The following INTS13 variants were observed in gnomAD, a reference collection of about 807,000 sequenced individuals.
The protein encoded by INTS13 is asunder, spermatogenesis regulator homolog (Drosphila).
Under a neutral mutation model 90.2 loss-of-function variants are expected in INTS13, and 35 were observed. That is an observed-to-expected ratio of 0.39 (90% CI 0.30 to 0.51). The LOEUF is 0.51. Ranked by LOEUF, INTS13 falls within the 20% of genes least tolerant of loss-of-function variation. The pLI is 0.80. For missense variants in INTS13, 601 were observed against 851.2 expected (o/e 0.71, Z 3.66); for synonymous variants, 309 against 277.1 (o/e 1.11, Z -1.14).
intron 8 of INTS13, among the ~76,000 whole-genome samples, chr12:26,919,666 C>T (rs1952050822): frequency 1.3e-5 from 2 of 152,078 alleles, no homozygotes; most frequent in Admixed American, 1.3e-4. Context: ...GTCTCAAAAA[C>T]GATTCTGAGG....
intron 3 of INTS13, among the ~76,000 whole-genome samples, chr12:26,931,681 T>A (rs1221829666): frequency 1.3e-5 from 2 of 152,208 alleles, no homozygotes; most frequent in Admixed American, 1.3e-4. Context: ...AAGCTACTAG[T>A]AACTCAGTAT....
At chr12:26,923,986 T>C (rs940706924) in intron 7 of INTS13, among the ~76,000 whole-genome samples, 3 of 152,156 alleles carry the variant, frequency 2.0e-5, no homozygotes, top group Non-Finnish European at 2.9e-5. Flanking sequence ...GTGTTCTTAT[T>C]AGAAAACAAA....
intron 7 of INTS13, among the ~76,000 whole-genome samples, chr12:26,923,497 T>C (rs1937698444): frequency 6.6e-6 from 1 of 152,130 alleles, no homozygotes; most frequent in South Asian, 2.1e-4. Context: ...TAAGAAAAAT[T>C]TGAATTTTGA....
chr12:26,920,957 C>G (rs1220713055), intron 8 of INTS13, among the ~76,000 whole-genome samples: 1 of 152,314 alleles, frequency 6.6e-6, no homozygotes, highest in Non-Finnish European at 1.5e-5. Context: ...TCAACCGTTT[C>G]TCTGGCAGCA....
chr12:26,917,885 A>T (rs1407221393), intron 8 of INTS13, 152 bp from the exon 9 acceptor site: 2 of 588,732 alleles, frequency 3.4e-6, no homozygotes, highest in Non-Finnish European at 5.9e-6. Flanking sequence ...GCACTTTGGG[A>T]GGCTGAGGCA....
At chr12:26,912,088 T>C (rs765779369) in intron 14 of INTS13, among the ~76,000 whole-genome samples, 5 of 152,216 alleles carry the variant, frequency 3.3e-5, no homozygotes, top group Non-Finnish European at 7.3e-5. Context: ...AGGTAGATGA[T>C]GAGTAACTAT....
At chr12:26,918,051 G>A (rs559233641) in intron 8 of INTS13, among the ~76,000 whole-genome samples, 16 of 152,090 alleles carry the variant, frequency 1.1e-4, no homozygotes, top group African/African-American at 2.9e-4. Context: ...GAACCTGGGC[G>A]GCAGAGGTTG....
chr12:26,925,101 T>C (rs1937794809), intron 6 of INTS13, among the ~76,000 whole-genome samples: 1 of 152,060 alleles, frequency 6.6e-6, no homozygotes, highest in South Asian at 2.1e-4. Context: ...AAAAAGAGGC[T>C]TATGCTGGAA....
At chr12:26,936,909 C>G (rs1938493156) in intron 1 of INTS13, 95 bp from the exon 2 acceptor site, 2 of 793,726 alleles carry the variant, frequency 2.5e-6, no homozygotes, top group African/African-American at 3.5e-5. Context: ...CTCAAGAAGA[C>G]TTGGTAGGGA....
At position 26,909,404 on chromosome 12, in the gene INTS13, T is replaced by C. The variant is rs1334293458; in HGVS notation, c.1945+1774A>G. On this transcript the variant is annotated intron_variant, in intron 15 of 16. Coordinates refer to ENST00000261191, the MANE Select transcript of INTS13 (RefSeq NM_018164.3). ...TACATACCACCCTATGGACACACCA[T>C]TATTCAGTCATTTTCCTACTAATAT... Among the ~76,000 whole-genome samples, 4 of 151,922 alleles carry C rather than the reference T, an allele frequency of 2.6e-5. No individual in the cohort carries two copies. In the East Asian group the frequency reaches 5.8e-4, roughly 22 times the overall value.
In INTS13 at chr12:26,929,507, G is replaced by A. The variant is rs550343152; in HGVS notation, c.301-602C>T. 3.1e-3 allele frequency among the ~76,000 whole-genome samples: 473 copies of A among 151,840 alleles called. 2 individuals are homozygous for A. The highest frequency in any genetic ancestry group is 6.8e-3 in the Middle Eastern group (2 of 294). On this transcript the variant is annotated intron_variant, in intron 3 of 16. Coordinates refer to ENST00000261191, the MANE Select transcript of INTS13 (RefSeq NM_018164.3). ...AAGCCAAGGCAGGACAATTGCTCGAGGCCAAGAGTTCAAGACCAGGCTGGG... is the reference window on the plus strand; with the variant it reads ...AAGCCAAGGCAGGACAATTGCTCGAAGCCAAGAGTTCAAGACCAGGCTGGG...
At chr12:26,936,108 C>G (rs1299969051) in intron 2 of INTS13, among the ~76,000 whole-genome samples, 1 of 152,224 alleles carries the variant, frequency 6.6e-6, no homozygotes, top group Non-Finnish European at 1.5e-5. Flanking sequence ...GGCTCTGCCT[C>G]TACGTAACTA....
chr12:26,923,485 T>C (rs1207455953), intron 7 of INTS13, among the ~76,000 whole-genome samples: 5 of 152,170 alleles, frequency 3.3e-5, no homozygotes, highest in Non-Finnish European at 7.4e-5. Context: ...GAAACTGGAA[T>C]GTAAGAAAAA....
Position 26,928,104 on chromosome 12 carries a change from T to C in INTS13, c.584+101A>G, listed in dbSNP as rs558852659. 1.1e-5 allele frequency: 9 copies of C among 792,486 alleles called. No homozygotes were observed. In the South Asian group the frequency reaches 1.5e-4, roughly 13 times the overall value. The allele number at this position is 792,486 out of a possible 1,614,324, so 49.1% of individuals were successfully genotyped here. On this transcript the variant is annotated intron_variant, in intron 5 of 16. Coordinates refer to ENST00000261191, the MANE Select transcript of INTS13 (RefSeq NM_018164.3). ...TTTTTTGACTAATTTGTTGAGTCAATAGAGAATTCAGGGAAACGCTACCAG... is the reference window on the plus strand; with the variant it reads ...TTTTTTGACTAATTTGTTGAGTCAACAGAGAATTCAGGGAAACGCTACCAG...
At chr12:26,934,682 A>AC in intron 2 of INTS13, 52 bp from the exon 3 acceptor site, 1 of 1,271,578 alleles carries the variant, frequency 7.9e-7, no homozygotes, top group South Asian at 1.2e-5. Flanking sequence ...TCACTCAATC[A>AC]CCAACATATT....
At chr12:26,923,536 C>T (rs550602382) in intron 7 of INTS13, among the ~76,000 whole-genome samples, 1 of 152,068 alleles carries the variant, frequency 6.6e-6, no homozygotes, top group East Asian at 1.9e-4. Context: ...TATTTGTAAA[C>T]ATAATCAATA....
chr12:26,911,221 G>A lies in INTS13; in HGVS notation c.1902C>T (p.Pro634=), dbSNP rs1329926968. ...PDSPEPPNKK[P]LVEMDETPQV... ...GTGGAGTTTCATCCATTTCAACAAG[G>A]GGTTTTTTGTTTGGAGGTTCTGGGG... The change falls in exon 15 of 17, where the codon CCC becomes CCT. Residue 634 remains proline, a synonymous_variant. Transcript: ENST00000261191. 1 of 1,613,642 alleles carries A rather than the reference G, an allele frequency of 6.2e-7. No individual in the cohort carries two copies. The highest frequency in any genetic ancestry group is 1.3e-5 in the African/African-American group (1 of 74,972).
intron 16 of INTS13, 93 bp from the exon 17 acceptor site, chr12:26,905,629 T>C (rs1267069752): frequency 1.6e-6 from 2 of 1,256,258 alleles, no homozygotes; most frequent in Non-Finnish European, 1.1e-6. Flanking sequence ...TAAAATAATA[T>C]ATTCACAGAA....
intron 14 of INTS13, 30 bp downstream of exon 14, chr12:26,913,427 C>T: frequency 6.4e-7 from 1 of 1,559,698 alleles, no homozygotes; most frequent in Non-Finnish European, 8.8e-7. Context: ...CAAAAGGCAC[C>T]ATGGTGCTAT....
Sources: allele counts gnomAD v4.1 joint callset (sites outside exome capture counted in the v4.1 genomes callset), GRCh38; gene constraint gnomAD v4.1.1; transcripts MANE v1.5; gene names NCBI Gene and HGNC (gene_info 2026-07-23, HGNC 2026-07-21).